The following BARD1 variants were observed in gnomAD, a reference collection of about 807,000 sequenced individuals.
The protein encoded by BARD1 is BRCA1-associated RING domain protein 1.
A neutral mutation model predicts 77.0 loss-of-function variants in BARD1; 73 were observed. That is an observed-to-expected ratio of 0.95 (90% CI 0.79 to 1.15). The LOEUF (loss-of-function observed/expected upper bound fraction) is 1.15, where lower values mean the gene tolerates loss of function less well. BARD1 is among the 50% of genes most tolerant of loss of function. The probability of loss-of-function intolerance (pLI) is 0.00; values close to 1 mark genes in which losing one functional copy is unlikely to be tolerated. For synonymous variants in BARD1, 384 were observed against 338.0 expected (o/e 1.14, Z -1.49); for missense variants, 993 against 938.8 (o/e 1.06, Z -0.75).
At chr2:214,770,593 C>T (rs757094148) in intron 4 of BARD1, among the ~76,000 whole-genome samples, 4 of 152,148 alleles carry the variant, frequency 2.6e-5, no homozygotes, top group Admixed American at 6.5e-5. Flanking sequence ...ATTAAGACAC[C>T]GTCAATTATT....
At chr2:214,795,888 G>A (rs1170000360) in intron 2 of BARD1, among the ~76,000 whole-genome samples, 1 of 152,088 alleles carries the variant, frequency 6.6e-6, no homozygotes, top group Non-Finnish European at 1.5e-5. Context: ...TATCTGGTAG[G>A]CAACAGGTTC....
intron 1 of BARD1, among the ~76,000 whole-genome samples, chr2:214,798,187 G>A (rs1289637673): frequency 6.6e-6 from 1 of 152,036 alleles, no homozygotes; most frequent in Non-Finnish European, 1.5e-5. Context: ...GAACATTCAA[G>A]TGAAATTGAG....
chr2:214,799,115 T>G (rs779645844), intron 1 of BARD1, among the ~76,000 whole-genome samples: 6 of 151,512 alleles, frequency 4.0e-5, no homozygotes, highest in Non-Finnish European at 1.5e-5. Context: ...AGACCCTGTA[T>G]CAAAAATAAA....
intron 4 of BARD1, among the ~76,000 whole-genome samples, chr2:214,773,881 G>A (rs973462013): frequency 7.9e-5 from 12 of 152,176 alleles, no homozygotes; most frequent in East Asian, 1.9e-4. Context: ...TTTTATCTGC[G>A]TAGAACTTCT....
intron 9 of BARD1, among the ~76,000 whole-genome samples, chr2:214,741,368 G>A (rs569071644): frequency 6.6e-6 from 1 of 152,164 alleles, no homozygotes; most frequent in East Asian, 1.9e-4. Flanking sequence ...TAGAAAAAAA[G>A]GCTAAGATAC....
intron 6 of BARD1, among the ~76,000 whole-genome samples, chr2:214,759,062 T>C (rs1467854856): frequency 6.6e-6 from 1 of 152,238 alleles, no homozygotes; most frequent in Non-Finnish European, 1.5e-5. Context: ...TCACTTTGCT[T>C]GCTATGGAGC....
At chr2:214,762,246 C>T (rs1262151021) in intron 6 of BARD1, among the ~76,000 whole-genome samples, 1 of 152,068 alleles carries the variant, frequency 6.6e-6, no homozygotes, top group Non-Finnish European at 1.5e-5. Context: ...GTTTATGAAA[C>T]ACAGATAAAT....
At chr2:214,794,372 T>C (rs1174992214) in intron 2 of BARD1, among the ~76,000 whole-genome samples, 1 of 152,200 alleles carries the variant, frequency 6.6e-6, no homozygotes, top group Non-Finnish European at 1.5e-5. Flanking sequence ...ACTACAATTA[T>C]GTATAAAGCC....
In BARD1 at chr2:214,747,840, AAAACTT is replaced by A. The variant is rs1236601582; in HGVS notation, c.1678-1992_1678-1987del. Reference sequence around the variant, plus strand: ...CCTGCACGTTGTGCACATGTACCCTAAAACTTAAAGTATAATAATAATAAAATAAAA... The same window carrying A: ...CCTGCACGTTGTGCACATGTACCCTAAAAGTATAATAATAATAAAATAAAA... On this transcript the variant is annotated intron_variant, in intron 7 of 10. Transcript: ENST00000260947. Among the ~76,000 whole-genome samples the A allele has an allele frequency of 3.3e-5, 5 of 151,970 alleles. No individual in the cohort carries two copies. In the East Asian group the frequency reaches 9.7e-4, roughly 29 times the overall value.
chr2:214,764,088 A>G (rs1266151776), intron 6 of BARD1, among the ~76,000 whole-genome samples: 1 of 152,238 alleles, frequency 6.6e-6, no homozygotes, highest in Non-Finnish European at 1.5e-5. Flanking sequence ...AGGCACAGAT[A>G]TGGGAAACTT....
rs765890845 is a variant in BARD1, at chr2:214,728,866, T to G, written c.2144A>C (p.Gln715Pro). 3 of 1,614,246 alleles carry G rather than the reference T, an allele frequency of 1.9e-6. No homozygotes were observed. In the South Asian group the frequency reaches 3.3e-5, roughly 18 times the overall value. Residue 715 changes from glutamine (Q) to proline (P), a missense_variant, in exon 11 of 11, where the codon CAG (glutamine) becomes CCG (proline). By Grantham distance (76) the Gln-to-Pro change is moderately conservative (BLOSUM62 -1). Transcript: ENST00000260947. ...RKPKPDSDVT[Q>P]TINTVAYHAR... ...ATGGTATGCGACTGTATTGATGGTC[T>G]GAGTCACGTCACTGTCTGGCTTGGG... is the stretch of plus-strand genomic sequence containing the variant.
chr2:214,757,252 T>C (rs1693735372), intron 6 of BARD1, among the ~76,000 whole-genome samples: 1 of 151,938 alleles, frequency 6.6e-6, no homozygotes. Context: ...ATTTTTTTTC[T>C]GTTCCTTGAC....
At chr2:214,785,794 G>A (rs1262985922) in intron 3 of BARD1, among the ~76,000 whole-genome samples, 1 of 151,844 alleles carries the variant, frequency 6.6e-6, no homozygotes, top group African/African-American at 2.4e-5. Flanking sequence ...AATCTGATAA[G>A]ATTAAAAACA....
intron 10 of BARD1, 102 bp from the exon 11 acceptor site, chr2:214,729,110 T>G: frequency 7.6e-7 from 1 of 1,312,208 alleles, no homozygotes; most frequent in Non-Finnish European, 1.1e-6. Context: ...GAATATCCCT[T>G]ACCTGAAACA....
At chr2:214,799,059 C>A (rs1695891592) in intron 1 of BARD1, among the ~76,000 whole-genome samples, 1 of 151,928 alleles carries the variant, frequency 6.6e-6, no homozygotes, top group Admixed American at 6.6e-5. Flanking sequence ...GGAGGTTGCA[C>A]TGAGCCAAGA....
intron 6 of BARD1, among the ~76,000 whole-genome samples, chr2:214,754,392 GAC>G (rs1339234489): frequency 3.3e-5 from 5 of 151,220 alleles, no homozygotes; most frequent in Non-Finnish European, 7.4e-5. Context: ...AGGACTTTTT[GAC>G]AGAGACAAAC....
intron 6 of BARD1, among the ~76,000 whole-genome samples, chr2:214,765,520 G>C (rs552893840): frequency 6.6e-6 from 1 of 152,284 alleles, no homozygotes; most frequent in Non-Finnish European, 1.5e-5. Flanking sequence ...GTCAGTAATG[G>C]AGTCACAAAT....
Position 214,752,564 on chromosome 2 carries a change from A to G in BARD1, c.1569-9T>C, listed in dbSNP as rs753153934. ...GCAGACCAAATATATTACTGGTAAA[A>G]TAAGTGCAGATGTGTTTAAGTAAGT... On this transcript the variant is annotated splice_polypyrimidine_tract_variant and intron_variant, in intron 6 of 10. Transcript: ENST00000260947. 39 of 1,598,362 alleles carry G rather than the reference A, an allele frequency of 2.4e-5. No homozygotes were observed. Among genetic ancestry groups the G allele is most frequent in the Non-Finnish European group, 3.3e-5 (39 of 1,165,920 alleles).
intron 7 of BARD1, among the ~76,000 whole-genome samples, chr2:214,750,849 A>T (rs1693373904): frequency 6.6e-6 from 1 of 152,028 alleles, no homozygotes; most frequent in South Asian, 2.1e-4. Flanking sequence ...CAAACTGAGG[A>T]TGGCAAGGTA....
Sources: allele counts gnomAD v4.1 joint callset (sites outside exome capture counted in the v4.1 genomes callset), GRCh38; gene constraint gnomAD v4.1.1; transcripts MANE v1.5; gene names NCBI Gene and HGNC (gene_info 2026-07-23, HGNC 2026-07-21).